The following SCN3A variants were observed in gnomAD, a reference collection of about 807,000 sequenced individuals.
The protein encoded by SCN3A is sodium channel protein type 3 subunit alpha.
In SCN3A, 60 loss-of-function variants were observed where a neutral mutation model predicts 187.6. The ratio of observed to expected loss-of-function variants is 0.32; its 90% CI spans 0.26 to 0.40. SCN3A has a LOEUF of 0.40. Among genes scored for constraint, SCN3A ranks in the 10% least tolerant of loss-of-function variants. The pLI, the probability that SCN3A is intolerant of heterozygous loss-of-function variation, is 1.00. For synonymous variants in SCN3A, 788 were observed against 829.2 expected (o/e 0.95, Z 0.85); for missense variants, 1,601 against 2,428.2 (o/e 0.66, Z 7.16).
chr2:165,170,359 AAT>A, intron 4 of SCN3A, 69 bp downstream of exon 4: 2 of 925,550 alleles, frequency 2.2e-6, no homozygotes, highest in Non-Finnish European at 3.6e-6. Flanking sequence ...GATACTTGAA[AAT>A]ATAACTGACA....
chr2:165,178,630 A>G (rs74732124), intron 2 of SCN3A, among the ~76,000 whole-genome samples: 7,422 of 152,286 alleles, frequency 0.049, 236 homozygotes, highest in Non-Finnish European at 0.076. Context: ...TATATTCTAT[A>G]TAAGTTATAA....
chr2:165,174,565 T>C (rs998245170), intron 3 of SCN3A, among the ~76,000 whole-genome samples: 2 of 152,232 alleles, frequency 1.3e-5, no homozygotes, highest in Admixed American at 1.3e-4. Context: ...TGATTGATTC[T>C]CTTTTTTAAG....
Position 165,091,011 on chromosome 2 carries a change from C to T in SCN3A, c.5142G>A (p.Leu1714=). 6.2e-7 allele frequency: 1 copy of T among 1,614,130 alleles called. No individual in the cohort carries two copies. The highest frequency in any genetic ancestry group is 8.5e-7 in the Non-Finnish European group (1 of 1,180,028). ...GTGCACTATTAAGAATAGGTGCTAG[C>T]AATCCATCCCAGCCAGCAGAGGTTG... The part of the protein sequence containing the change: ...QITTSAGWDG[L]LAPILNSAPP... Residue 1714 remains leucine, a synonymous_variant, in exon 28 of 28, where the codon TTG becomes TTA. Transcript: ENST00000283254.
chr2:165,164,033 G>T, intron 6 of SCN3A: 1 of 817,382 alleles, frequency 1.2e-6, no homozygotes, highest in South Asian at 1.7e-5. Context: ...TATGCTAAAG[G>T]TTGCTTTTAA....
At chr2:165,103,237 G>A (rs1442814368) in intron 21 of SCN3A, among the ~76,000 whole-genome samples, 2 of 152,086 alleles carry the variant, frequency 1.3e-5, no homozygotes, top group African/African-American at 4.8e-5. Flanking sequence ...TGACTACATT[G>A]GTAGGGTGCT....
In SCN3A at chr2:165,128,090, G is replaced by C. The variant is rs1574159588; in HGVS notation, c.2934C>G (p.Leu978=). 6.2e-7 allele frequency: 1 copy of C among 1,611,368 alleles called. No homozygotes were observed. Among genetic ancestry groups the C allele is most frequent in the Middle Eastern group, 1.7e-4 (1 of 6,050 alleles). The change falls in exon 18 of 28, where the codon CTC becomes CTG. Residue 978 remains leucine, a synonymous_variant. Coordinates refer to ENST00000283254, the MANE Select transcript of SCN3A (RefSeq NM_006922.4). ...ATGAACTCAACAATAAGGCCAGAAA[G>C]AGGTTCAGAACCTAAAAGAAAAAAA... is the stretch of plus-strand genomic sequence containing the variant. ...MVIGNLVVLN[L]FLALLLSSFS...
intron 17 of SCN3A, among the ~76,000 whole-genome samples, chr2:165,128,585 T>C (rs936102363): frequency 2.6e-5 from 4 of 152,242 alleles, no homozygotes; most frequent in African/African-American, 9.6e-5. Flanking sequence ...ATGATATACT[T>C]GAAATACAAA....
At chr2:165,191,206 T>G (rs961578804) in intron 1 of SCN3A, among the ~76,000 whole-genome samples, 4 of 152,134 alleles carry the variant, frequency 2.6e-5, no homozygotes, top group African/African-American at 9.6e-5. Flanking sequence ...TCGCTGCACC[T>G]GGAACCTTGA....
At chr2:165,175,502 C>T (rs1456481172) in intron 3 of SCN3A, among the ~76,000 whole-genome samples, 1 of 151,434 alleles carries the variant, frequency 6.6e-6, no homozygotes, top group Non-Finnish European at 1.5e-5. Flanking sequence ...TTTGGTCTTC[C>T]AATTTTGACA....
rs1273654501 is a variant in SCN3A at position 165,137,861 on chromosome 2, A to G, written c.2391+18T>C. 4.5e-6 allele frequency: 7 copies of G among 1,560,094 alleles called. No homozygotes were observed. Among genetic ancestry groups the G allele is most frequent in the Non-Finnish European group, 6.2e-6 (7 of 1,131,236 alleles). On this transcript the variant is annotated intron_variant, in intron 15 of 27. Coordinates refer to ENST00000283254, the MANE Select transcript of SCN3A (RefSeq NM_006922.4). ...CCACATCTACCAAAGTAAATAAGTA[A>G]ACTTCAAATGTACTTACCAGGTTTC...
At chr2:165,147,888 C>T (rs1372177168) in intron 11 of SCN3A, among the ~76,000 whole-genome samples, 1 of 152,050 alleles carries the variant, frequency 6.6e-6, no homozygotes, top group African/African-American at 2.4e-5. Context: ...CAATGACATA[C>T]AGAGGATATG....
At chr2:165,093,779 G>A (rs73969175) in intron 26 of SCN3A, 2,333 of 152,532 alleles carry the variant, frequency 0.015, 72 homozygotes, top group African/African-American at 0.053. Context: ...GGCATGATTC[G>A]TATGTTCTTT....
chr2:165,188,948 G>T (rs1691423529), intron 1 of SCN3A, among the ~76,000 whole-genome samples: 1 of 152,100 alleles, frequency 6.6e-6, no homozygotes, highest in South Asian at 2.1e-4. Context: ...CCCTAAGTGA[G>T]TTTTGTGCAA....
chr2:165,164,460 A>C lies in SCN3A; in HGVS notation c.534T>G (p.Phe178Leu). 6.2e-7 allele frequency: 1 copy of C among 1,613,808 alleles called. No homozygotes were observed. Among genetic ancestry groups the C allele is most frequent in the East Asian group, 2.2e-5 (1 of 44,808 alleles). ...GAAGAAACGTAAAATCTTCTAAGCA[A>C]AACCCTCTTGCCAAGATTTTTATAA... Reference protein sequence around the residue: ...ESLIKILARGFCLEDFTFLRD... With the variant: ...ESLIKILARGLCLEDFTFLRD... Residue 178 changes from phenylalanine (F) to leucine (L), a missense_variant, in exon 6 of 28, where the codon TTT becomes TTG. Physicochemically the swap from Phe to Leu is conservative, Grantham distance 22. Transcript: ENST00000283254.
chr2:165,119,004 A>C (rs555453616), intron 18 of SCN3A, among the ~76,000 whole-genome samples: 2 of 150,538 alleles, frequency 1.3e-5, no homozygotes, highest in Non-Finnish European at 3.0e-5. Flanking sequence ...CTTCGTGATC[A>C]GCCTGCCTCG....
intron 5 of SCN3A, among the ~76,000 whole-genome samples, chr2:165,166,809 A>T (rs1689786500): frequency 6.6e-6 from 1 of 152,284 alleles, no homozygotes; most frequent in African/African-American, 2.4e-5. Context: ...CAAATCAAAA[A>T]CTTTCTAAAG....
intron 10 of SCN3A, among the ~76,000 whole-genome samples, chr2:165,155,556 T>C (rs1275292583): frequency 6.6e-6 from 1 of 152,056 alleles, no homozygotes; most frequent in Non-Finnish European, 1.5e-5. Context: ...GGCGCCACCA[T>C]GCTGGGCTAA....
Position 165,140,795 on chromosome 2 carries a change from A to G in SCN3A, c.1875T>C (p.Val625=). 1 of 1,614,088 alleles carries G rather than the reference A, an allele frequency of 6.2e-7. No homozygotes were observed. Among genetic ancestry groups the G allele is most frequent in the East Asian group, 2.2e-5 (1 of 44,856 alleles). ...TCCTGGATGACATACTGGCCTGACT[A>G]ACGTTACTGTTGCGTCGCTCTCCAT... ...HRHGERRNSN[V]SQASMSSRMV... The change falls in exon 13 of 28, where the codon GTT becomes GTC. Residue 625 remains valine (V), a synonymous_variant. Coordinates refer to ENST00000283254, the MANE Select transcript of SCN3A (RefSeq NM_006922.4). The surrounding 1 kb of genome is among the most constrained non-coding windows in gnomAD (Gnocchi z 4.2).
Position 165,090,273 on chromosome 2 carries a change from C to T in SCN3A, c.5880G>A (p.Gly1960=), listed in dbSNP as rs373231663. 9.9e-6 allele frequency: 16 copies of T among 1,612,552 alleles called. No individual in the cohort carries two copies. The African/African-American group carries it at 1.1e-4, about 11-fold the overall frequency. ...AAGGAGGAGAGGTGGTAGAGGAACT[C>T]CCATCTGTTTTTTCTGGAGTGGAGT... ...NGNSTPEKTD[G]SSSTTSPPSY... The change falls in exon 28 of 28, where the codon GGG becomes GGA. Residue 1960 remains glycine, a synonymous_variant. Transcript: ENST00000283254. The surrounding 1 kb of genome is among the most constrained non-coding windows in gnomAD (Gnocchi z 4.0).
Sources: allele counts gnomAD v4.1 joint callset (sites outside exome capture counted in the v4.1 genomes callset), GRCh38; gene constraint gnomAD v4.1.1; non-coding constraint Gnocchi (gnomAD v3.1); transcripts MANE v1.5; gene names NCBI Gene and HGNC (gene_info 2026-07-23, HGNC 2026-07-21).